Variants in ADGRD1 observed in about 807,000 individuals in gnomAD.
ADGRD1 encodes the protein adhesion G protein-coupled receptor D1.
Under a neutral mutation model 113.4 loss-of-function variants are expected in ADGRD1, and 77 were observed. The observed-to-expected ratio is 0.68, with a 90% CI of 0.57 to 0.82. ADGRD1 has a LOEUF of 0.82. Ranked by LOEUF, ADGRD1 falls within the 40% of genes least tolerant of loss-of-function variation. ADGRD1 has a pLI of 0.00. For synonymous variants in ADGRD1, 474 were observed against 475.0 expected (o/e 1.00, Z 0.03); for missense variants, 1,036 against 1,139.1 (o/e 0.91, Z 1.30).
Position 131,108,861 on chromosome 12 carries a change from C to CTATGGGATGGGATGGGG in ADGRD1, c.2028_2041+3dup. On this transcript the variant is annotated frameshift_variant, in exon 18 of 25. Coordinates refer to ENST00000261654, the MANE Select transcript of ADGRD1 (RefSeq NM_198827.5). LOFTEE classifies it high-confidence loss of function. ...CGGAGGACAGCAAGCACCGTTACTA[C>CTATGGGATGGGATGGGG]TATGGGATGGGATGGGGTAGGTGGG... The CTATGGGATGGGATGGGG allele has an allele frequency of 6.4e-7, 1 of 1,570,336 alleles. No individual in the cohort carries two copies. Among genetic ancestry groups the CTATGGGATGGGATGGGG allele is most frequent in the Non-Finnish European group, 8.7e-7 (1 of 1,152,556 alleles).
chr12:131,076,849 G>A lies in ADGRD1; in HGVS notation c.1522G>A (p.Val508Met), dbSNP rs11833801. ...CACCAACAGCAGCAACCGAGTCTTCGTGTACTGCGCCTTCCTGGACTTCAG... is the reference window on the plus strand; with the variant it reads ...CACCAACAGCAGCAACCGAGTCTTCATGTACTGCGCCTTCCTGGACTTCAG... ...EATNSSNRVF[V>M]YCAFLDFSSG... is the part of the protein sequence containing the mutation. The change falls in exon 14 of 25, where the codon GTG (valine) becomes ATG (methionine). Residue 508 changes from valine to methionine, a missense_variant. Physicochemically the swap from Val to Met is conservative, Grantham distance 21. Coordinates refer to ENST00000261654, the MANE Select transcript of ADGRD1 (RefSeq NM_198827.5). 4.4e-3 allele frequency: 7,120 copies of A among 1,614,114 alleles called. 257 individuals carry two copies. The African/African-American group carries it at 0.08, about 18-fold the overall frequency.
At chr12:131,020,729 G>A (rs754439084) in intron 13 of ADGRD1, among the ~76,000 whole-genome samples, 8 of 152,218 alleles carry the variant, frequency 5.3e-5, no homozygotes, top group African/African-American at 1.7e-4. Flanking sequence ...TGTGCAGTGC[G>A]GGGGACCTGT....
chr12:130,984,470 G>C lies in ADGRD1; in HGVS notation c.490+2407G>C, dbSNP rs1873382270. 1.3e-5 allele frequency among the ~76,000 whole-genome samples: 2 copies of C among 152,166 alleles called. No homozygotes were observed. The highest frequency in any genetic ancestry group is 4.1e-4 in the South Asian group (2 of 4,828). On this transcript the variant is annotated intron_variant, in intron 5 of 24. Coordinates refer to ENST00000261654, the MANE Select transcript of ADGRD1 (RefSeq NM_198827.5). The surrounding 1 kb of genome is among the most constrained non-coding windows in gnomAD (Gnocchi z 4.1). ...CCTGTATTGCTGTTAGATTTTAATA[G>C]ATTTTATTTTTTAGAACAGTTTTAG...
chr12:131,041,079 GCCA>G lies in ADGRD1; in HGVS notation c.1473+26743_1473+26745del, dbSNP rs1368278245. Among the ~76,000 whole-genome samples, 1 of 152,208 alleles carries G rather than the reference GCCA, an allele frequency of 6.6e-6. No individual in the cohort carries two copies. Among genetic ancestry groups the G allele is most frequent in the Non-Finnish European group, 1.5e-5 (1 of 68,040 alleles). On this transcript the variant is annotated intron_variant, in intron 13 of 24. Transcript: ENST00000261654. The surrounding 1 kb of genome is among the most constrained non-coding windows in gnomAD (Gnocchi z 4.4). Reference sequence around the variant, plus strand: ...CTGAGTTGTGACCTGTGGTGATGATGCCACCATTTCTCTGATGCCCTCACTTGT... The same window carrying G: ...CTGAGTTGTGACCTGTGGTGATGATGCCATTTCTCTGATGCCCTCACTTGT...
intron 13 of ADGRD1, among the ~76,000 whole-genome samples, chr12:131,042,063 G>A (rs927381007): frequency 2.6e-5 from 4 of 152,156 alleles, no homozygotes; most frequent in Admixed American, 6.5e-5. Context: ...CCCTGCACGG[G>A]GCAGTTGCCC....
Position 131,131,727 on chromosome 12 carries a change from C to T in ADGRD1, c.2178C>T (p.Val726=). 1 of 1,606,990 alleles carries T rather than the reference C, an allele frequency of 6.2e-7. No homozygotes were observed. ...FVAPALFVIV[V]NIGILIAVTR... is the part of the protein sequence containing the mutation. The stretch of plus-strand genomic sequence containing the variant: ...TTCCTCCATGGTTTCTTGTGCAGGT[C>T]AACATTGGCATCCTCATCGCTGTGA... Residue 726 remains valine, a splice_region_variant and synonymous_variant, in exon 21 of 25, where the codon GTC becomes GTT. Transcript: ENST00000261654.
intron 20 of ADGRD1, among the ~76,000 whole-genome samples, chr12:131,130,751 G>A (rs563986153): frequency 2.0e-5 from 3 of 150,164 alleles, no homozygotes; most frequent in South Asian, 2.1e-4. Flanking sequence ...GGCCCATCCC[G>A]TGCGGGGGGA....
chr12:131,110,130 G>T (rs1950318395), intron 18 of ADGRD1, among the ~76,000 whole-genome samples: 1 of 80,214 alleles, frequency 1.2e-5, no homozygotes, highest in African/African-American at 2.9e-5. Flanking sequence ...AATACAACTG[G>T]ATTTTTAAAA....
In ADGRD1 at chr12:130,966,745, G is replaced by A. The variant is rs1217880199; in HGVS notation, c.187+199G>A. On this transcript the variant is annotated intron_variant, in intron 3 of 24. Transcript: ENST00000261654. This position sits in a 1 kb window ranked among gnomAD's most constrained non-coding sequence, Gnocchi z 4.6. ...AATCTGCTTTGAAGCCACGGTGATA[G>A]AGATGAACAAATACTTGTGTAACTT... 1.7e-6 allele frequency: 1 copy of A among 578,592 alleles called. No homozygotes were observed. Among genetic ancestry groups the A allele is most frequent in the Non-Finnish European group, 3.1e-6 (1 of 322,700 alleles). 35.8% of individuals were successfully genotyped at this position (578,592 alleles called of 1,614,324 possible). A position where few individuals can be genotyped will look rare whatever the true frequency, so the allele number is the denominator to read the frequency against.
At chr12:130,987,535 A>C in intron 6 of ADGRD1, 186 bp downstream of exon 6, 1 of 622,706 alleles carries the variant, frequency 1.6e-6, no homozygotes, top group Non-Finnish European at 2.8e-6. Flanking sequence ...AGGAGTTAAT[A>C]ATTTACTAGA....
chr12:131,069,721 A>G (rs1369049484), intron 13 of ADGRD1: 1 of 152,330 alleles, frequency 6.6e-6, no homozygotes, highest in East Asian at 1.9e-4. Flanking sequence ...ATCAGAGTGA[A>G]GTCATGAAAA....
At chr12:131,137,086 G>A in intron 23 of ADGRD1, 72 bp downstream of exon 23, 1 of 1,185,878 alleles carries the variant, frequency 8.4e-7, no homozygotes. Flanking sequence ...ACAGGAGCAG[G>A]AACAGCGCTG....
chr12:130,967,932 G>A (rs374328072), intron 3 of ADGRD1: 3 of 152,208 alleles, frequency 2.0e-5, no homozygotes, highest in African/African-American at 7.2e-5. Context: ...CCACTGGCTC[G>A]GGTTCAAACG....
At chr12:131,134,162 C>T (rs1025058441) in intron 21 of ADGRD1, among the ~76,000 whole-genome samples, 2 of 152,254 alleles carry the variant, frequency 1.3e-5, no homozygotes, top group Admixed American at 1.3e-4. Context: ...GGGTGAGACC[C>T]CCACAGAAGT....
chr12:131,114,356 G>C (rs1950414483), intron 18 of ADGRD1, among the ~76,000 whole-genome samples: 1 of 152,214 alleles, frequency 6.6e-6, no homozygotes, highest in African/African-American at 2.4e-5. Context: ...AGAACTGTGT[G>C]GTTTCTGATA....
chr12:131,008,069 C>T lies in ADGRD1; in HGVS notation c.1331+2022C>T, dbSNP rs112125824. ...ACTTGAGCCTGGAGGCCTGTGTTCT[C>T]CTCTTAAAACAGGAGTAATAATAGC... On this transcript the variant is annotated intron_variant, in intron 12 of 24. Coordinates refer to ENST00000261654, the MANE Select transcript of ADGRD1 (RefSeq NM_198827.5). Among the ~76,000 whole-genome samples, 1,518 of 152,352 alleles carry T rather than the reference C, an allele frequency of 1.0e-2. 11 individuals are homozygous for T. The highest frequency in any genetic ancestry group is 0.014 in the Non-Finnish European group (961 of 68,038).
In ADGRD1 at chr12:131,100,292, G is replaced by A. The variant is rs540981727; in HGVS notation, c.1672-4539G>A. ...TTGATGGTGGGTTTGGCTGATGGTG[G>A]AATTGGCTGGTAGATTGGTTGATGA... On this transcript the variant is annotated intron_variant, in intron 15 of 24. Coordinates refer to ENST00000261654, the MANE Select transcript of ADGRD1 (RefSeq NM_198827.5). Among the ~76,000 whole-genome samples, 95 of 151,638 alleles carry A rather than the reference G, an allele frequency of 6.3e-4. No individual in the cohort carries two copies. In the South Asian group the frequency reaches 0.019, roughly 30 times the overall value.
intron 13 of ADGRD1, among the ~76,000 whole-genome samples, chr12:131,029,813 C>T (rs1298054628): frequency 1.1e-5 from 1 of 90,928 alleles, no homozygotes; most frequent in African/African-American, 4.2e-5. Flanking sequence ...CCCCTCTTAA[C>T]GGTGACATTC....
chr12:130,972,675 G>A lies in ADGRD1; in HGVS notation c.310+1095G>A, dbSNP rs929420251. Among the ~76,000 whole-genome samples, 4 of 151,702 alleles carry A rather than the reference G, an allele frequency of 2.6e-5. No homozygotes were observed. The East Asian group carries it at 7.8e-4, about 29-fold the overall frequency. ...GCTCGGTGGCAGGGGCGAGGAGGAC[G>A]GGAGAGTAATATGTGCTCCTTCCTT... is the stretch of plus-strand genomic sequence containing the variant. On this transcript the variant is annotated intron_variant, in intron 4 of 24. Coordinates refer to ENST00000261654, the MANE Select transcript of ADGRD1 (RefSeq NM_198827.5).
Sources: gnomAD v4.1 joint callset for allele counts (sites outside exome capture counted in the v4.1 genomes callset) on GRCh38, gnomAD v4.1.1 for gene constraint, Gnocchi (gnomAD v3.1) non-coding constraint, MANE v1.5 for transcripts, NCBI Gene and HGNC (gene_info 2026-07-23, HGNC 2026-07-21) for gene names.